The following ANK2 variants were observed in gnomAD, a reference collection of about 807,000 sequenced individuals.
ANK2 encodes the protein ankyrin 2.
ANK2 carries 83 observed loss-of-function variants against 360.5 expected under a neutral mutation model. The observed-to-expected ratio is 0.23, with a 90% confidence interval of 0.19 to 0.28. The LOEUF (loss-of-function observed/expected upper bound fraction) is 0.28, where lower values mean the gene tolerates loss of function less well. Ranked by LOEUF, ANK2 falls within the 10% of genes least tolerant of loss-of-function variation. The pLI is 1.00. For synonymous variants in ANK2, 1,740 were observed against 1,759.5 expected (o/e 0.99, Z 0.28); for missense variants, 4,201 against 4,795.7 (o/e 0.88, Z 3.66).
intron 1 of ANK2, among the ~76,000 whole-genome samples, chr4:113,076,328 G>A (rs1208966664): frequency 1.3e-5 from 2 of 152,176 alleles, no homozygotes; most frequent in Non-Finnish European, 2.9e-5. Context: ...ACTTGCTAAG[G>A]CATTGTATTC....
intron 1 of ANK2, among the ~76,000 whole-genome samples, chr4:113,134,725 C>CT (rs1024098972): frequency 5.3e-5 from 8 of 151,940 alleles, no homozygotes; most frequent in Non-Finnish European, 1.2e-4. Context: ...ATTGATAATT[C>CT]TTTTTTTAGG....
intron 22 of ANK2, among the ~76,000 whole-genome samples, chr4:113,299,249 A>G (rs893491500): frequency 4.6e-5 from 7 of 152,352 alleles, no homozygotes; most frequent in African/African-American, 1.7e-4. Flanking sequence ...AAACTTAATC[A>G]TTTAAAAAGT....
chr4:113,175,645 G>A (rs2098167186), intron 2 of ANK2, among the ~76,000 whole-genome samples: 1 of 152,118 alleles, frequency 6.6e-6, no homozygotes, highest in Non-Finnish European at 1.5e-5. Context: ...TGCCTTGAGC[G>A]ATAAATAAAA....
At chr4:113,368,704 T>C (rs1160516139) in intron 42 of ANK2, among the ~76,000 whole-genome samples, 2 of 152,164 alleles carry the variant, frequency 1.3e-5, no homozygotes, top group East Asian at 1.9e-4. Context: ...TTTGTGGTCA[T>C]TGACATGAGA....
the ANK2 span, among the ~76,000 whole-genome samples, chr4:112,808,313 G>A: frequency 3.9e-5 from 6 of 152,188 alleles, no homozygotes; most frequent in African/African-American, 1.4e-4. Context: ...GCAGGATGAT[G>A]AAGACAGCAA....
At chr4:112,757,409 C>T in the ANK2 span, among the ~76,000 whole-genome samples, 28 of 152,036 alleles carry the variant, frequency 1.8e-4, no homozygotes, top group Admixed American at 1.6e-3. Flanking sequence ...CCACTGTGTC[C>T]GGCTGACAGC....
intron 2 of ANK2, among the ~76,000 whole-genome samples, chr4:112,952,220 G>T (rs116198768): frequency 0.012 from 1,795 of 152,298 alleles, 33 homozygotes; most frequent in African/African-American, 0.04. Flanking sequence ...CTTTGCATAT[G>T]TGATAGACAT....
intron 14 of ANK2, among the ~76,000 whole-genome samples, chr4:113,266,044 G>T (rs2055816023): frequency 6.6e-6 from 1 of 152,078 alleles, no homozygotes; most frequent in Admixed American, 6.5e-5. Context: ...TGCCATGGTG[G>T]TTTGCTGTAC....
the ANK2 span, among the ~76,000 whole-genome samples, chr4:112,766,825 C>A: frequency 6.6e-6 from 1 of 152,140 alleles, no homozygotes; most frequent in South Asian, 2.1e-4. Flanking sequence ...TTCCCTCACC[C>A]AAGACAGGAA....
intron 2 of ANK2, among the ~76,000 whole-genome samples, chr4:112,957,884 A>G (rs1182807707): frequency 4.4e-5 from 6 of 135,820 alleles, no homozygotes; most frequent in Admixed American, 7.4e-5. Context: ...CAGACGGGGC[A>G]GCCGGGCAGA....
chr4:113,218,451 C>CAAAA (rs36042626), intron 4 of ANK2, among the ~76,000 whole-genome samples: 2 of 134,440 alleles, frequency 1.5e-5, no homozygotes, highest in African/African-American at 2.7e-5. Flanking sequence ...ATTAAATGAC[C>CAAAA]AAAAAAAAAA....
chr4:113,191,085 A>G (rs2098654666), intron 2 of ANK2, among the ~76,000 whole-genome samples: 1 of 152,192 alleles, frequency 6.6e-6, no homozygotes, highest in South Asian at 2.1e-4. Flanking sequence ...CACGCCTATA[A>G]TCCCAGCACT....
intron 2 of ANK2, among the ~76,000 whole-genome samples, chr4:112,987,746 ATTAG>A (rs992794310): frequency 2.6e-5 from 4 of 152,122 alleles, no homozygotes; most frequent in African/African-American, 4.8e-5. Flanking sequence ...CAATACATGT[ATTAG>A]TTAGGCAATA....
rs560082863 is a variant in ANK2, at chr4:112,950,373, G to A, written c.21+45859G>A. Among the ~76,000 whole-genome samples the A allele has an allele frequency of 4.6e-5, 7 of 152,174 alleles. No individual in the cohort carries two copies. The South Asian group carries it at 8.3e-4, about 18-fold the overall frequency. Reference sequence around the variant, plus strand: ...AAGGTTAAAAAGTAAGGCTGGGTGCGGTGGCTCACGCCCGTAATCCCAGCA... The same window carrying A: ...AAGGTTAAAAAGTAAGGCTGGGTGCAGTGGCTCACGCCCGTAATCCCAGCA... On this transcript the variant is annotated intron_variant, in intron 2 of 30. Transcript: ENST00000503271.
At chr4:112,721,309 G>A in the ANK2 span, among the ~76,000 whole-genome samples, 8 of 152,130 alleles carry the variant, frequency 5.3e-5, no homozygotes, top group Non-Finnish European at 1.2e-4. Flanking sequence ...GGAGGCCAAG[G>A]CAGGTGGATC....
intron 2 of ANK2, among the ~76,000 whole-genome samples, chr4:113,185,634 C>T (rs2098506569): frequency 6.6e-6 from 1 of 152,126 alleles, no homozygotes; most frequent in East Asian, 1.9e-4. Flanking sequence ...GAACAGATTG[C>T]AAATTATTTC....
At position 113,357,877 on chromosome 4, in the gene ANK2, A is replaced by G; in HGVS notation, c.9259A>G (p.Thr3087Ala). 1.2e-6 allele frequency: 2 copies of G among 1,613,940 alleles called. No homozygotes were observed. The highest frequency in any genetic ancestry group is 1.7e-6 in the Non-Finnish European group (2 of 1,179,950). ...GTTPDTTPAR[T>A]PTEEGTPTSE... ...CACCCCTGACACCACTCCTGCTAGG[A>G]CCCCAACTGAAGAGGGGACCCCAAC... Residue 3087 changes from threonine to alanine, a missense_variant, in exon 38 of 46, where the codon ACC (threonine) becomes GCC (alanine). Coordinates refer to ENST00000357077, the MANE Select transcript of ANK2 (RefSeq NM_001148.6).
chr4:113,294,859 T>C (rs1465273301), intron 22 of ANK2, among the ~76,000 whole-genome samples: 3 of 152,188 alleles, frequency 2.0e-5, no homozygotes, highest in Non-Finnish European at 4.4e-5. Context: ...TAATGGCTTT[T>C]TCTTATTTTA....
intron 2 of ANK2, among the ~76,000 whole-genome samples, chr4:113,024,304 T>G (rs758016220): frequency 4.6e-5 from 7 of 152,288 alleles, no homozygotes; most frequent in Middle Eastern, 3.4e-3. Flanking sequence ...TACTAGACAC[T>G]CTCTCAGATA....
Sources: gnomAD v4.1 joint callset for allele counts (sites outside exome capture counted in the v4.1 genomes callset) on GRCh38, gnomAD v4.1.1 for gene constraint, MANE v1.5 for transcripts, NCBI Gene and HGNC (gene_info 2026-07-23, HGNC 2026-07-21) for gene names.